Variants in MYO5B observed in about 807,000 individuals in gnomAD.
MYO5B encodes myosin VB.
Under a neutral mutation model 229.3 loss-of-function variants are expected in MYO5B, and 143 were observed. The ratio of observed to expected loss-of-function variants is 0.62; its 90% CI spans 0.54 to 0.72. The LOEUF is 0.72. Ranked by LOEUF, MYO5B falls within the 30% of genes least tolerant of loss-of-function variation. The pLI, the probability that MYO5B is intolerant of heterozygous loss-of-function variation, is 0.00. For missense variants in MYO5B, 2,321 were observed against 2,331.0 expected (o/e 1.00, Z 0.09); for synonymous variants, 918 against 885.2 (o/e 1.04, Z -0.66).
intron 37 of MYO5B, 134 bp from the exon 38 acceptor site, chr18:49,837,019 A>C: frequency 2.3e-6 from 2 of 857,946 alleles, no homozygotes; most frequent in Non-Finnish European, 3.7e-6. Flanking sequence ...AAGCATGGCA[A>C]GTGCCTTGCA....
intron 39 of MYO5B, among the ~76,000 whole-genome samples, chr18:49,827,064 C>T (rs2023856130): frequency 6.6e-6 from 1 of 152,126 alleles, no homozygotes; most frequent in African/African-American, 2.4e-5. Context: ...GAGTACATCA[C>T]ATAAAATGGC....
chr18:50,017,909 G>A (rs537650153), intron 4 of MYO5B, among the ~76,000 whole-genome samples: 23 of 152,256 alleles, frequency 1.5e-4, no homozygotes, highest in African/African-American at 5.5e-4. Context: ...ATTGCCTATA[G>A]AAATTTTCAA....
Position 50,141,814 on chromosome 18 carries a change from A to G in MYO5B, c.27+52953T>C, listed in dbSNP as rs2032422414. ...GACCCTTAACAGAGAACCAAGAAAC[A>G]AGGTCAGCCTGCCTCCTGGAGCTGA... On this transcript the variant is annotated intron_variant, in intron 1 of 39. Transcript: ENST00000285039. Among the ~76,000 whole-genome samples, 2 of 152,134 alleles carry G rather than the reference A, an allele frequency of 1.3e-5. 1 individual carries two copies. The highest frequency in any genetic ancestry group is 4.1e-4 in the South Asian group (2 of 4,828).
At chr18:49,911,241 C>G (rs748436748) in intron 18 of MYO5B, among the ~76,000 whole-genome samples, 5 of 152,172 alleles carry the variant, frequency 3.3e-5, no homozygotes, top group Non-Finnish European at 7.3e-5. Context: ...GCCAGAGATC[C>G]TGAGCCGGCA....
chr18:49,966,334 T>C (rs377755387), intron 10 of MYO5B, among the ~76,000 whole-genome samples: 58 of 152,220 alleles, frequency 3.8e-4, no homozygotes, highest in African/African-American at 1.3e-3. Context: ...AGATCAAAGA[T>C]GTAAAGTGTA....
intron 1 of MYO5B, among the ~76,000 whole-genome samples, chr18:50,094,994 A>G (rs1394114181): frequency 2.0e-5 from 3 of 152,024 alleles, no homozygotes; most frequent in African/African-American, 7.3e-5. Context: ...CATCTGGCTA[A>G]TTTTTTTGTA....
At chr18:49,897,411 T>C (rs558758020) in intron 21 of MYO5B, among the ~76,000 whole-genome samples, 37 of 152,302 alleles carry the variant, frequency 2.4e-4, no homozygotes, top group Middle Eastern at 3.4e-3. Flanking sequence ...ATCCGTGTCT[T>C]AGTTTTTAAC....
At chr18:49,908,382 T>C (rs2024923436) in intron 18 of MYO5B, among the ~76,000 whole-genome samples, 1 of 152,128 alleles carries the variant, frequency 6.6e-6, no homozygotes, top group Non-Finnish European at 1.5e-5. Context: ...TCTCCAAGAG[T>C]CAGACTGCAG....
chr18:49,879,014 G>A lies in MYO5B; in HGVS notation c.3207C>T (p.Asn1069=). 4 of 1,613,284 alleles carry A rather than the reference G, an allele frequency of 2.5e-6. No individual in the cohort carries two copies. The highest frequency in any genetic ancestry group is 3.4e-6 in the Non-Finnish European group (4 of 1,179,896). The change falls in exon 24 of 40, where the codon AAC becomes AAT. Residue 1069 remains asparagine (N), a synonymous_variant. Transcript: ENST00000285039. ...ELEEERSRYQ[N]LVKEYSQLEQ... ...CCAACTGTGAATATTCCTTCACAAG[G>A]TTCTGGTACCGGGATCGCTCCTCCT...
intron 7 of MYO5B, among the ~76,000 whole-genome samples, chr18:49,986,714 A>AT (rs1025239149): frequency 2.6e-5 from 4 of 152,072 alleles, no homozygotes; most frequent in Non-Finnish European, 5.9e-5. Context: ...AAAAGTACCA[A>AT]TTTTTTTCCC....
chr18:50,192,415 T>C (rs2033240727), intron 1 of MYO5B, among the ~76,000 whole-genome samples: 1 of 152,204 alleles, frequency 6.6e-6, no homozygotes, highest in South Asian at 2.1e-4. Flanking sequence ...AGAGGTCCAG[T>C]CACAGCAAAG....
At chr18:50,101,078 A>G (rs2031645604) in intron 1 of MYO5B, among the ~76,000 whole-genome samples, 1 of 152,232 alleles carries the variant, frequency 6.6e-6, no homozygotes, top group Non-Finnish European at 1.5e-5. Context: ...AATAGTTCAC[A>G]ATAGCATACT....
At chr18:50,038,836 G>C (rs1354586533) in intron 3 of MYO5B, among the ~76,000 whole-genome samples, 7 of 152,122 alleles carry the variant, frequency 4.6e-5, no homozygotes, top group Non-Finnish European at 7.4e-5. Context: ...AATTTTAAAA[G>C]TCTCCTTTTT....
At chr18:49,886,682 T>G (rs945184171) in intron 22 of MYO5B, among the ~76,000 whole-genome samples, 3 of 152,206 alleles carry the variant, frequency 2.0e-5, no homozygotes, top group Middle Eastern at 3.2e-3. Context: ...CTATAATAAT[T>G]AATGCAACAG....
intron 17 of MYO5B, among the ~76,000 whole-genome samples, chr18:49,912,737 T>C (rs920764592): frequency 7.2e-5 from 11 of 152,170 alleles, no homozygotes; most frequent in Non-Finnish European, 7.3e-5. Flanking sequence ...GAACTGTGAG[T>C]CCATTAAAGC....
At position 49,882,638 on chromosome 18, in the gene MYO5B, A is replaced by AAAAAAAG. The variant is rs1406368488; in HGVS notation, c.3046-2184_3046-2183insCTTTTTT. On this transcript the variant is annotated intron_variant, in intron 22 of 39. Coordinates refer to ENST00000285039, the MANE Select transcript of MYO5B (RefSeq NM_001080467.3). ...CAAGAAATCATCTCAAAAAAAAAAAAAAAGAAAGAGGAAACCCACTTCACA... is the reference window on the plus strand; with the variant it reads ...CAAGAAATCATCTCAAAAAAAAAAAAAAAAAAGAAAGAAAGAGGAAACCCACTTCACA... 4.0e-4 allele frequency among the ~76,000 whole-genome samples: 60 copies of AAAAAAAG among 150,916 alleles called. 2 individuals are homozygous for AAAAAAAG. The highest frequency in any genetic ancestry group is 1.2e-3 in the African/African-American group (50 of 41,122).
intron 21 of MYO5B, among the ~76,000 whole-genome samples, chr18:49,896,417 T>C (rs1044938337): frequency 1.3e-5 from 2 of 152,210 alleles, no homozygotes; most frequent in African/African-American, 4.8e-5. Context: ...AATGCACGTC[T>C]GTATTATCCA....
At chr18:49,993,919 G>C (rs1334649423) in intron 5 of MYO5B, among the ~76,000 whole-genome samples, 4 of 152,166 alleles carry the variant, frequency 2.6e-5, no homozygotes, top group Non-Finnish European at 5.9e-5. Flanking sequence ...GTGCTTGGCA[G>C]GAACCGACCC....
At chr18:50,093,505 T>A (rs1471144014) in intron 1 of MYO5B, among the ~76,000 whole-genome samples, 1 of 152,130 alleles carries the variant, frequency 6.6e-6, no homozygotes, top group Non-Finnish European at 1.5e-5. Flanking sequence ...TTGGAGGCGT[T>A]TAAACCAGAG....
Sources: gnomAD v4.1 joint callset for allele counts (sites outside exome capture counted in the v4.1 genomes callset) on GRCh38, gnomAD v4.1.1 for gene constraint, MANE v1.5 for transcripts, NCBI Gene and HGNC (gene_info 2026-07-23, HGNC 2026-07-21) for gene names.